NTRK1: variants seen among roughly 807,000 people sequenced by gnomAD.
The protein encoded by NTRK1 is neurotrophic receptor tyrosine kinase 1.
A neutral mutation model predicts 86.8 loss-of-function variants in NTRK1; 62 were observed. That is an observed-to-expected ratio of 0.71 (90% CI 0.58 to 0.88). The LOEUF (loss-of-function observed/expected upper bound fraction) is 0.88. NTRK1 is among the 40% of genes least tolerant of loss of function. The pLI, the probability that NTRK1 is intolerant of heterozygous loss-of-function variation, is 0.00. For missense variants in NTRK1, 967 were observed against 1,078.4 expected (o/e 0.90, Z 1.45); for synonymous variants, 469 against 456.6 (o/e 1.03, Z -0.35).
In NTRK1 at chr1:156,873,808, G is replaced by A. The variant is rs1416608398; in HGVS notation, c.1026G>A (p.Arg342=). Residue 342 remains arginine, a synonymous_variant, in exon 8 of 17, where the codon CGG becomes CGA. Transcript: ENST00000524377. ...FLEPAANETV[R]HGCLRLNQPT... The stretch of plus-strand genomic sequence containing the variant: ...AGCCGGCAGCCAATGAGACCGTGCG[G>A]CACGGGTGTCTGCGCCTCAACCAGC... 6.2e-7 allele frequency: 1 copy of A among 1,612,844 alleles called. No homozygotes were observed. The highest frequency in any genetic ancestry group is 8.5e-7 in the Non-Finnish European group (1 of 1,179,594).
At chr1:156,858,462 T>A (rs748765101), upstream of NTRK1, 1 of 1,106,492 alleles carries the variant, frequency 9.0e-7, no homozygotes, top group Non-Finnish European at 1.4e-6. Flanking sequence ...GTGCTGTGGC[T>A]GCAAGCTCAG....
intron 2 of NTRK1, chr1:156,852,237 C>A: frequency 6.6e-7 from 1 of 1,523,562 alleles, no homozygotes; most frequent in South Asian, 1.3e-5. Context: ...CCCCCTCAGT[C>A]CTGGCTGTCC....
intron 2 of NTRK1, among the ~76,000 whole-genome samples, chr1:156,850,973 T>C (rs1461663934): frequency 3.9e-5 from 6 of 152,252 alleles, no homozygotes; most frequent in Non-Finnish European, 7.3e-5. Context: ...GACCAGATGA[T>C]GACAATTATA....
At chr1:156,860,546 G>T (rs908499346), upstream of NTRK1, among the ~76,000 whole-genome samples, 2 of 152,240 alleles carry the variant, frequency 1.3e-5, no homozygotes, top group Non-Finnish European at 2.9e-5. Flanking sequence ...CCTCAACGCA[G>T]TCATCTTCCC....
chr1:156,842,859 C>A, intron 2 of NTRK1: 1 of 684,376 alleles, frequency 1.5e-6, no homozygotes, highest in Non-Finnish European at 2.5e-6. Flanking sequence ...TAACCCTAAC[C>A]ATGACCTTTA....
At chr1:156,844,114 A>T in intron 2 of NTRK1, 1 of 1,248,974 alleles carries the variant, frequency 8.0e-7, no homozygotes, top group Non-Finnish European at 1.2e-6. Context: ...TCCCTTTGAC[A>T]GACTTTATGA....
At chr1:156,846,135 G>C (rs1654999467) in intron 2 of NTRK1, 4 of 1,571,634 alleles carry the variant, frequency 2.5e-6, no homozygotes, top group Non-Finnish European at 3.5e-6. Context: ...AGTGCGAGAA[G>C]GATGCAACTC....
At chr1:156,856,562 T>C (rs73004737), upstream of NTRK1, among the ~76,000 whole-genome samples, 58 of 152,342 alleles carry the variant, frequency 3.8e-4, no homozygotes, top group African/African-American at 1.3e-3. Flanking sequence ...CCTGACCCTC[T>C]GGCCTGGAGT....
intron 1 of NTRK1, among the ~76,000 whole-genome samples, chr1:156,820,277 C>T (rs548134191): frequency 1.3e-5 from 2 of 152,272 alleles, no homozygotes; most frequent in African/African-American, 4.8e-5. Flanking sequence ...AACAGGGTCT[C>T]ACTCTGTCAC....
intron 1 of NTRK1, chr1:156,840,703 G>GA (rs1654740845): frequency 1.6e-6 from 1 of 629,864 alleles, no homozygotes; most frequent in Non-Finnish European, 2.8e-6. Context: ...CTCCTATGGT[G>GA]AGACCCCTCT....
Position 156,868,661 on chromosome 1 carries a change from C to T in NTRK1, c.717+14C>T, listed in dbSNP as rs750876114. 17 of 1,549,908 alleles carry T rather than the reference C, an allele frequency of 1.1e-5. No individual in the cohort carries two copies. Among genetic ancestry groups the T allele is most frequent in the South Asian group, 5.9e-5 (5 of 84,062 alleles). ...GCCACGGTGATGGTGAGAAGACCTT[C>T]GCTGGCAGCCCCCAAGAGGTCCAGG... On this transcript the variant is annotated intron_variant, in intron 6 of 16. Transcript: ENST00000524377.
chr1:156,842,224 C>A, intron 2 of NTRK1: 1 of 1,614,062 alleles, frequency 6.2e-7, no homozygotes, highest in Non-Finnish European at 8.5e-7. Context: ...TCTCACCAGC[C>A]ATTTGGATCA....
upstream of NTRK1, chr1:156,858,704 C>G (rs1208167907): frequency 1.4e-5 from 17 of 1,172,432 alleles, no homozygotes; most frequent in Admixed American, 2.9e-4. Flanking sequence ...CTAAGGGACA[C>G]AGAGACCAGG....
At chr1:156,871,236 G>A (rs886215482) in intron 6 of NTRK1, among the ~76,000 whole-genome samples, 1 of 152,254 alleles carries the variant, frequency 6.6e-6, no homozygotes, top group South Asian at 2.1e-4. Context: ...CTACTGGTTA[G>A]ATTTTAGATT....
At chr1:156,858,601 C>T (rs747138774), upstream of NTRK1, 3 of 1,614,082 alleles carry the variant, frequency 1.9e-6, no homozygotes, top group Non-Finnish European at 2.5e-6. Flanking sequence ...CTCCCCAGGG[C>T]CACAGACTAG....
chr1:156,842,641 AC>A (rs544995336), intron 2 of NTRK1: 465 of 658,826 alleles, frequency 7.1e-4, no homozygotes, highest in Non-Finnish European at 8.9e-4. Flanking sequence ...CTATAACCTG[AC>A]TCCTGACCTA....
chr1:156,877,590 G>A (rs1248517369), intron 14 of NTRK1, among the ~76,000 whole-genome samples: 1 of 152,256 alleles, frequency 6.6e-6, no homozygotes, highest in African/African-American at 2.4e-5. Context: ...GTGTTTGCAA[G>A]GCAGGGAGAA....
chr1:156,853,726 C>T (rs746306755), intron 2 of NTRK1: 2 of 1,573,280 alleles, frequency 1.3e-6, no homozygotes, highest in East Asian at 2.3e-5. Flanking sequence ...CCCTTCCCTA[C>T]ATTCATGTTC....
At chr1:156,822,338 G>A (rs1030426055) in intron 1 of NTRK1, among the ~76,000 whole-genome samples, 7 of 152,148 alleles carry the variant, frequency 4.6e-5, no homozygotes, top group East Asian at 3.9e-4. Context: ...TTTTTCTCTC[G>A]ATTGAAGCCA....
Sources: allele counts gnomAD v4.1 joint callset (sites outside exome capture counted in the v4.1 genomes callset), GRCh38; gene constraint gnomAD v4.1.1; transcripts MANE v1.5; gene names NCBI Gene and HGNC (gene_info 2026-07-23, HGNC 2026-07-21).